FAT3: variants seen among roughly 807,000 people sequenced by gnomAD.
FAT3 encodes FAT atypical cadherin 3.
FAT3 carries 95 observed loss-of-function variants against 310.2 expected under a neutral mutation model. The observed-to-expected ratio is 0.31, with a 90% CI of 0.26 to 0.36. FAT3 has a LOEUF of 0.36. Among genes scored for constraint, FAT3 ranks in the 10% least tolerant of loss-of-function variants. FAT3 has a pLI of 1.00. For synonymous variants in FAT3, 2,314 were observed against 2,192.9 expected, an observed-to-expected ratio of 1.06 and a Z score of -1.54; for missense variants, 5,408 against 5,715.6, an observed-to-expected ratio of 0.95 and a Z score of 1.74.
chr11:92,226,057 G>C (rs1863893784), intron 1 of FAT3, among the ~76,000 whole-genome samples: 1 of 152,194 alleles, frequency 6.6e-6, no homozygotes, highest in African/African-American at 2.4e-5. Context: ...ACTCCCGGGC[G>C]GTTCGGGACG....
intron 2 of FAT3, among the ~76,000 whole-genome samples, chr11:92,467,653 T>G (rs1016826628): frequency 6.6e-6 from 1 of 152,202 alleles, no homozygotes; most frequent in African/African-American, 2.4e-5. Context: ...CCCTTAAAGC[T>G]GTGCCTGTGC....
chr11:92,339,573 G>T (rs1948186770), intron 1 of FAT3, among the ~76,000 whole-genome samples: 1 of 152,192 alleles, frequency 6.6e-6, no homozygotes, highest in Non-Finnish European at 1.5e-5. Context: ...TATTGCAAAT[G>T]AAATGTTCTG....
intron 3 of FAT3, among the ~76,000 whole-genome samples, chr11:92,561,080 C>T (rs1955208610): frequency 6.6e-6 from 1 of 152,168 alleles, no homozygotes; most frequent in South Asian, 2.1e-4. Flanking sequence ...CAGCACTTAT[C>T]TGTGGGAAAG....
chr11:92,244,716 C>A (rs898811398), intron 1 of FAT3, among the ~76,000 whole-genome samples: 1 of 152,034 alleles, frequency 6.6e-6, no homozygotes, highest in Non-Finnish European at 1.5e-5. Flanking sequence ...ATTTAGTAGG[C>A]TTACGGTGGG....
intron 1 of FAT3, among the ~76,000 whole-genome samples, chr11:92,314,084 A>G (rs1216272396): frequency 6.6e-6 from 1 of 152,208 alleles, no homozygotes; most frequent in Non-Finnish European, 1.5e-5. Context: ...TATTTTTTCA[A>G]TGACTCTATA....
At chr11:92,737,943 TAC>T (rs2136017496) in intron 4 of FAT3, among the ~76,000 whole-genome samples, 1 of 152,158 alleles carries the variant, frequency 6.6e-6, no homozygotes, top group East Asian at 1.9e-4. Flanking sequence ...CAGAAACAAA[TAC>T]AGCTACCGAT....
At chr11:92,804,424 T>C (rs1287935240) in intron 10 of FAT3, among the ~76,000 whole-genome samples, 3 of 152,070 alleles carry the variant, frequency 2.0e-5, no homozygotes, top group Non-Finnish European at 2.9e-5. Context: ...TTTGCCCCCA[T>C]GTAGCTTAAT....
intron 7 of FAT3, among the ~76,000 whole-genome samples, chr11:92,777,811 A>G (rs1195552342): frequency 6.6e-6 from 1 of 152,106 alleles, no homozygotes; most frequent in Non-Finnish European, 1.5e-5. Flanking sequence ...TTATGAATGC[A>G]GAGTATCAGC....
chr11:92,413,927 G>A (rs1296110279), intron 2 of FAT3, among the ~76,000 whole-genome samples: 1 of 152,114 alleles, frequency 6.6e-6, no homozygotes, highest in African/African-American at 2.4e-5. Flanking sequence ...TCTGGGATCT[G>A]TGCATGCATG....
intron 13 of FAT3, among the ~76,000 whole-genome samples, chr11:92,812,941 C>T (rs1947720777): frequency 6.6e-6 from 1 of 152,194 alleles, no homozygotes; most frequent in African/African-American, 2.4e-5. Context: ...GGCGGTTATC[C>T]TCATGCTGTT....
At chr11:92,475,378 A>G (rs1952019737) in intron 2 of FAT3, among the ~76,000 whole-genome samples, 1 of 152,100 alleles carries the variant, frequency 6.6e-6, no homozygotes, top group East Asian at 1.9e-4. Flanking sequence ...TCCTTGGGTC[A>G]CTGATGAACA....
At chr11:92,772,675 G>A (rs867483713) in intron 6 of FAT3, among the ~76,000 whole-genome samples, 4 of 151,928 alleles carry the variant, frequency 2.6e-5, no homozygotes, top group Non-Finnish European at 4.4e-5. Flanking sequence ...TCGTATCTCC[G>A]TAACTTTAAT....
At chr11:92,605,948 G>A (rs893187683) in intron 3 of FAT3, among the ~76,000 whole-genome samples, 1 of 152,112 alleles carries the variant, frequency 6.6e-6, no homozygotes, top group African/African-American at 2.4e-5. Flanking sequence ...GTGCTTGAAT[G>A]TGGCAGACAG....
At chr11:92,516,454 A>T (rs1002798126) in intron 2 of FAT3, among the ~76,000 whole-genome samples, 9 of 152,152 alleles carry the variant, frequency 5.9e-5, no homozygotes, top group African/African-American at 2.2e-4. Flanking sequence ...CATACTAAAA[A>T]CACCCAATAA....
chr11:92,819,807 G>A (rs1483973286), intron 13 of FAT3, among the ~76,000 whole-genome samples: 1 of 152,094 alleles, frequency 6.6e-6, no homozygotes, highest in Non-Finnish European at 1.5e-5. Context: ...GATTTATACT[G>A]GTTACAAAAC....
intron 2 of FAT3, among the ~76,000 whole-genome samples, chr11:92,393,464 A>C (rs910132549): frequency 6.6e-6 from 1 of 152,104 alleles, no homozygotes; most frequent in Admixed American, 6.6e-5. Flanking sequence ...CCGCCAAACC[A>C]TCTGAACCAT....
At chr11:92,662,759 C>G (rs537664116) in intron 3 of FAT3, among the ~76,000 whole-genome samples, 1 of 152,204 alleles carries the variant, frequency 6.6e-6, no homozygotes, top group African/African-American at 2.4e-5. Context: ...TGTCAGCTCA[C>G]TAAGTCATTT....
At chr11:92,719,974 T>C (rs779646755) in intron 4 of FAT3, among the ~76,000 whole-genome samples, 2 of 152,130 alleles carry the variant, frequency 1.3e-5, no homozygotes, top group Non-Finnish European at 2.9e-5. Context: ...TTCTTTACCT[T>C]TATGTCTCCT....
At position 92,836,659 on chromosome 11, in the gene FAT3, G is replaced by C; in HGVS notation, c.10180G>C (p.Val3394Leu). 1 of 1,613,748 alleles carries C rather than the reference G, an allele frequency of 6.2e-7. No homozygotes were observed. The highest frequency in any genetic ancestry group is 1.3e-5 in the African/African-American group (1 of 75,034). The change falls in exon 16 of 28, where the codon GTC becomes CTC. Residue 3394 changes from valine to leucine, a missense_variant. Transcript: ENST00000525166. The stretch of plus-strand genomic sequence containing the variant: ...GGACAATGAATTTACTGTAGATCCT[G>C]TCTTGGGACTTGTGAAAGTTAAGAA... ...DRDNEFTVDPVLGLVKVKKKL... is the reference protein window; with the variant it reads ...DRDNEFTVDPLLGLVKVKKKL...
Sources: allele counts gnomAD v4.1 joint callset (sites outside exome capture counted in the v4.1 genomes callset), GRCh38; gene constraint gnomAD v4.1.1; transcripts MANE v1.5; gene names NCBI Gene and HGNC (gene_info 2026-07-23, HGNC 2026-07-21).